ITIH5: variants seen among roughly 807,000 people sequenced by gnomAD.
ITIH5 encodes inter-alpha-trypsin inhibitor heavy chain 5.
A neutral mutation model predicts 77.5 loss-of-function variants in ITIH5; 65 were observed. The observed-to-expected ratio is 0.84, with a 90% confidence interval of 0.69 to 1.03. The LOEUF is 1.03. Among genes scored for constraint, ITIH5 ranks in the 50% least tolerant of loss-of-function variants. ITIH5 has a pLI of 0.00. For synonymous variants in ITIH5, 525 were observed against 494.3 expected (o/e 1.06, Z -0.82); for missense variants, 1,208 against 1,213.1 (o/e 1.00, Z 0.06).
At position 7,566,027 on chromosome 10, in the gene ITIH5, T is replaced by C. The variant is rs1832147313; in HGVS notation, c.2527+3A>G. 2 of 1,612,820 alleles carry C rather than the reference T, an allele frequency of 1.2e-6. No individual in the cohort carries two copies. Among genetic ancestry groups the C allele is most frequent in the Non-Finnish European group, 1.7e-6 (2 of 1,179,230 alleles). On this transcript the variant is annotated splice_donor_region_variant and intron_variant, in intron 13 of 13. Transcript: ENST00000397146. Reference sequence around the variant, plus strand: ...CCAGCGTGAGGAGAGCGCAGCTTCCTACCCAGCAGTCCGTGGCAGTTGCTG... The same window carrying C: ...CCAGCGTGAGGAGAGCGCAGCTTCCCACCCAGCAGTCCGTGGCAGTTGCTG...
intron 1 of ITIH5, among the ~76,000 whole-genome samples, chr10:7,664,475 A>G (rs1450387431): frequency 1.3e-5 from 2 of 152,002 alleles, no homozygotes; most frequent in Non-Finnish European, 2.9e-5. Context: ...CCCAAACCCA[A>G]TGGATCTAAA....
At chr10:7,618,350 A>T (rs1833410177) in intron 5 of ITIH5, 1 of 152,208 alleles carries the variant, frequency 6.6e-6, no homozygotes, top group Non-Finnish European at 1.5e-5. Context: ...AGAAAGATAA[A>T]CAGATAAATG....
intron 12 of ITIH5, among the ~76,000 whole-genome samples, chr10:7,567,007 A>G (rs559022263): frequency 2.0e-5 from 3 of 152,026 alleles, no homozygotes; most frequent in African/African-American, 7.2e-5. Context: ...TCTAGTACCA[A>G]AAACATGTCT....
intron 11 of ITIH5, chr10:7,572,172 A>C (rs1404902421): frequency 1.3e-5 from 15 of 1,193,098 alleles, no homozygotes; most frequent in Non-Finnish European, 1.6e-5. Flanking sequence ...CGGACTCTAT[A>C]TCCACAGCTC....
chr10:7,658,659 C>T (rs959189278), intron 1 of ITIH5, among the ~76,000 whole-genome samples: 1 of 152,034 alleles, frequency 6.6e-6, no homozygotes, highest in Non-Finnish European at 1.5e-5. Flanking sequence ...CAGGACATCT[C>T]GAAGGTGGTG....
At chr10:7,645,152 A>G (rs1833991660) in intron 2 of ITIH5, among the ~76,000 whole-genome samples, 1 of 151,960 alleles carries the variant, frequency 6.6e-6, no homozygotes, top group African/African-American at 2.4e-5. Context: ...GCCAGAGACA[A>G]ATGGAACAGC....
chr10:7,593,966 A>G (rs1256776081), intron 7 of ITIH5, among the ~76,000 whole-genome samples: 3 of 152,342 alleles, frequency 2.0e-5, no homozygotes, highest in Non-Finnish European at 1.5e-5. Context: ...GCTTAAGAGG[A>G]AAGAGGAGGA....
At chr10:7,602,770 C>A (rs1833040633) in intron 7 of ITIH5, among the ~76,000 whole-genome samples, 1 of 152,184 alleles carries the variant, frequency 6.6e-6, no homozygotes, top group Non-Finnish European at 1.5e-5. Flanking sequence ...TACTTCCACT[C>A]ATGGTTCCAA....
At chr10:7,654,626 T>C (rs1834151161) in intron 2 of ITIH5, among the ~76,000 whole-genome samples, 1 of 152,230 alleles carries the variant, frequency 6.6e-6, no homozygotes, top group Non-Finnish European at 1.5e-5. Context: ...TCTGGCCATG[T>C]CTATCACCTT....
At chr10:7,613,036 G>C (rs181724475) in intron 7 of ITIH5, among the ~76,000 whole-genome samples, 1 of 152,304 alleles carries the variant, frequency 6.6e-6, no homozygotes, top group East Asian at 1.9e-4. Flanking sequence ...CCTGAGGTTA[G>C]GAGTTCGAGA....
At chr10:7,659,660 T>A (rs1834244686) in intron 1 of ITIH5, among the ~76,000 whole-genome samples, 1 of 152,090 alleles carries the variant, frequency 6.6e-6, no homozygotes, top group Non-Finnish European at 1.5e-5. Flanking sequence ...GTAAAATAGG[T>A]TTTCTGAGAA....
rs187412402 is a variant in ITIH5 at position 7,561,576 on chromosome 10, G to C, written c.*1507C>G. ...ACAGGCCCTGGTGTGGTGGGTTCACGAAGCAGAGAGAGACGAGCCCAGATA... is the reference window on the plus strand; with the variant it reads ...ACAGGCCCTGGTGTGGTGGGTTCACCAAGCAGAGAGAGACGAGCCCAGATA... On this transcript the variant is annotated 3_prime_UTR_variant, in exon 14 of 14. Transcript: ENST00000397146. 1 of 152,338 alleles carries C rather than the reference G, an allele frequency of 6.6e-6. No homozygotes were observed. The highest frequency in any genetic ancestry group is 1.5e-5 in the Non-Finnish European group (1 of 68,116). The allele number at this position is 152,338 out of a possible 1,614,324, so 9.4% of individuals were successfully genotyped here. A position where few individuals can be genotyped will look rare whatever the true frequency, so the allele number is the denominator to read the frequency against.
intron 12 of ITIH5, among the ~76,000 whole-genome samples, chr10:7,566,757 GAAGAAGA>G (rs1355908201): frequency 1.5e-4 from 5 of 34,374 alleles, no homozygotes; most frequent in African/African-American, 4.8e-4. Flanking sequence ...AGAAGAAGAA[GAAGAAGA>G]AAGAAGAAAG....
intron 7 of ITIH5, among the ~76,000 whole-genome samples, chr10:7,604,965 G>A (rs1050849424): frequency 2.6e-5 from 4 of 152,140 alleles, no homozygotes; most frequent in South Asian, 2.1e-4. Flanking sequence ...GGGATGATAG[G>A]TGCCCACCAC....
In ITIH5 at chr10:7,622,021, C is replaced by G. The variant is rs549003501; in HGVS notation, c.653-4739G>C. On this transcript the variant is annotated intron_variant, in intron 5 of 13. Transcript: ENST00000397146. ...TCTATGGTGAGCTGGAGCAGCTGCT[C>G]CGATTTGAGGGAGGCCAAGTCTTCT... 3 of 152,334 alleles carry G rather than the reference C, an allele frequency of 2.0e-5. No individual in the cohort carries two copies. The East Asian group carries it at 5.8e-4, about 29-fold the overall frequency. 9.4% of individuals were successfully genotyped at this position (152,334 alleles called of 1,614,324 possible).
intron 1 of ITIH5, among the ~76,000 whole-genome samples, chr10:7,665,955 C>T (rs898818610): frequency 2.6e-5 from 4 of 152,200 alleles, no homozygotes; most frequent in Non-Finnish European, 5.9e-5. Context: ...AACTGCTCTT[C>T]AAAACAGGGG....
At chr10:7,564,909 G>A (rs1832109851) in intron 13 of ITIH5, among the ~76,000 whole-genome samples, 2 of 10,974 alleles carry the variant, frequency 1.8e-4, no homozygotes, top group Admixed American at 2.9e-3. Context: ...TATACAGACT[G>A]TGTGTGTATA....
chr10:7,619,176 A>G (rs941533553), intron 5 of ITIH5: 1 of 152,378 alleles, frequency 6.6e-6, no homozygotes, highest in Non-Finnish European at 1.5e-5. Flanking sequence ...TGAAAAAGGA[A>G]AAGTCCTTGA....
chr10:7,648,326 T>C (rs947084168), intron 2 of ITIH5, among the ~76,000 whole-genome samples: 1 of 151,956 alleles, frequency 6.6e-6, no homozygotes, highest in Non-Finnish European at 1.5e-5. Flanking sequence ...CAATAAAATA[T>C]AGAACTCCAA....
Sources: gnomAD v4.1 joint callset for allele counts (sites outside exome capture counted in the v4.1 genomes callset) on GRCh38, gnomAD v4.1.1 for gene constraint, MANE v1.5 for transcripts, NCBI Gene and HGNC (gene_info 2026-07-23, HGNC 2026-07-21) for gene names.